Variants in KCNMA1 observed in about 807,000 individuals in gnomAD.
KCNMA1 encodes the protein potassium calcium-activated channel subfamily M alpha 1.
In KCNMA1, 29 loss-of-function variants were observed where a neutral mutation model predicts 140.0. That is an observed-to-expected ratio of 0.21 (90% CI 0.15 to 0.28). The LOEUF (loss-of-function observed/expected upper bound fraction) is 0.28. KCNMA1 is among the 10% of genes least tolerant of loss of function. KCNMA1 has a pLI of 1.00. For missense variants in KCNMA1, 880 were observed against 1,602.2 expected (o/e 0.55, Z 7.70); for synonymous variants, 612 against 611.9 (o/e 1.00, Z 0.00).
In KCNMA1 at chr10:76,887,179, A is replaced by G; in HGVS notation, c.*87T>C. ...AAAAAAAAGGGGGGGACTACAGGGG[A>G]AAACAGGGAAAGTTACTTTGTTGGA... On this transcript the variant is annotated 3_prime_UTR_variant, in exon 28 of 28. Coordinates refer to ENST00000286628, the MANE Select transcript of KCNMA1 (RefSeq NM_001161352.2). The G allele has an allele frequency of 6.2e-7, 1 of 1,612,674 alleles. No individual in the cohort carries two copies. Among genetic ancestry groups the G allele is most frequent in the South Asian group, 1.1e-5 (1 of 90,286 alleles).
intron 2 of KCNMA1, among the ~76,000 whole-genome samples, chr10:77,387,510 TAGTC>T (rs1288287829): frequency 6.6e-6 from 1 of 152,116 alleles, no homozygotes; most frequent in African/African-American, 2.4e-5. Flanking sequence ...CAGGCATCAT[TAGTC>T]AGTCATGGAA....
At chr10:77,117,539 CAAAAAAAAAAAAAAAA>C (rs56926398) in intron 6 of KCNMA1, among the ~76,000 whole-genome samples, 3 of 22,514 alleles carry the variant, frequency 1.3e-4, no homozygotes, top group African/African-American at 4.6e-4. Flanking sequence ...GAGTCTATCT[CAAAAAAAAAAAAAAAA>C]AAAAAAAAAA....
intron 1 of KCNMA1, among the ~76,000 whole-genome samples, chr10:77,618,838 C>T (rs979376522): frequency 6.6e-6 from 1 of 152,148 alleles, no homozygotes; most frequent in Non-Finnish European, 1.5e-5. Context: ...CTAGAAATCC[C>T]GTTGTTAATC....
At chr10:77,606,069 C>A (rs1181057157) in intron 1 of KCNMA1, among the ~76,000 whole-genome samples, 2 of 152,200 alleles carry the variant, frequency 1.3e-5, no homozygotes, top group Non-Finnish European at 2.9e-5. Flanking sequence ...GGCAGTGCTG[C>A]GGCCTAGACC....
At chr10:77,421,922 G>A (rs76251679) in intron 1 of KCNMA1, among the ~76,000 whole-genome samples, 4,425 of 152,242 alleles carry the variant, frequency 0.029, 91 homozygotes, top group African/African-American at 0.065. Flanking sequence ...GTAAATTCAC[G>A]GAACACCAGT....
chr10:77,125,851 C>A (rs934404027), intron 5 of KCNMA1, among the ~76,000 whole-genome samples: 2 of 152,180 alleles, frequency 1.3e-5, no homozygotes, highest in South Asian at 4.1e-4. Flanking sequence ...GTTAGATAAT[C>A]CACATTCAGA....
chr10:76,897,253 C>A (rs2042972170), intron 25 of KCNMA1, among the ~76,000 whole-genome samples: 1 of 149,846 alleles, frequency 6.7e-6, no homozygotes, highest in Non-Finnish European at 1.5e-5. Flanking sequence ...ATAAAAATAA[C>A]CTGTCCTGAG....
chr10:76,949,054 A>G, intron 22 of KCNMA1, 88 bp downstream of exon 22: 2 of 1,076,546 alleles, frequency 1.9e-6, no homozygotes, highest in Non-Finnish European at 2.9e-6. Context: ...CACAGGCATG[A>G]TCAAAGCTAC....
chr10:77,408,945 G>T (rs2096557711), intron 1 of KCNMA1, among the ~76,000 whole-genome samples: 1 of 152,182 alleles, frequency 6.6e-6, no homozygotes. Flanking sequence ...AGGTGGGGAG[G>T]AATTCAGGGC....
At chr10:77,082,301 A>G (rs1231665006) in intron 12 of KCNMA1, among the ~76,000 whole-genome samples, 1 of 152,054 alleles carries the variant, frequency 6.6e-6, no homozygotes, top group Non-Finnish European at 1.5e-5. Context: ...TTCTGGGATT[A>G]CAGGTGTAAG....
intron 7 of KCNMA1, among the ~76,000 whole-genome samples, chr10:77,111,554 G>C (rs962212613): frequency 1.3e-5 from 2 of 152,154 alleles, no homozygotes; most frequent in Non-Finnish European, 2.9e-5. Flanking sequence ...TTAAGGGCTG[G>C]GCAGGAGACT....
chr10:76,942,462 C>CT (rs935749555), intron 23 of KCNMA1, among the ~76,000 whole-genome samples: 2 of 152,272 alleles, frequency 1.3e-5, no homozygotes, highest in East Asian at 1.9e-4. Flanking sequence ...AAAGAGTGCC[C>CT]TTTTTTTCTT....
At chr10:77,161,438 T>C (rs2098553536) in intron 5 of KCNMA1, among the ~76,000 whole-genome samples, 1 of 151,538 alleles carries the variant, frequency 6.6e-6, no homozygotes, top group Non-Finnish European at 1.5e-5. Context: ...AGGGATGGGG[T>C]CTCACTATGT....
At position 77,499,406 on chromosome 10, in the gene KCNMA1, T is replaced by C. The variant is rs60120065; in HGVS notation, c.379-95383A>G. On this transcript the variant is annotated intron_variant, in intron 1 of 27. Coordinates refer to ENST00000286628, the MANE Select transcript of KCNMA1 (RefSeq NM_001161352.2). The stretch of plus-strand genomic sequence containing the variant: ...AGTCAAAATGCTCAGTAGGCATGTA[T>C]ATATATATATATATATACACACACA... 9.4e-3 allele frequency among the ~76,000 whole-genome samples: 563 copies of C among 60,166 alleles called. 2 individuals carry two copies. The highest frequency in any genetic ancestry group is 0.045 in the Middle Eastern group (5 of 110). The allele number at this position is 60,166 out of a possible 152,430, so 39.5% of individuals were successfully genotyped here. A position where few individuals can be genotyped will look rare whatever the true frequency, so the allele number is the denominator to read the frequency against.
At chr10:77,230,536 G>A (rs2053230356) in intron 3 of KCNMA1, among the ~76,000 whole-genome samples, 1 of 152,216 alleles carries the variant, frequency 6.6e-6, no homozygotes, top group African/African-American at 2.4e-5. Context: ...CTTTGTGGAT[G>A]AGGAAAATGA....
intron 3 of KCNMA1, among the ~76,000 whole-genome samples, chr10:77,228,870 C>T (rs902177579): frequency 6.6e-6 from 1 of 152,200 alleles, no homozygotes; most frequent in Admixed American, 6.5e-5. Context: ...GGGGAGGTAT[C>T]CTCAGCACTC....
intron 26 of KCNMA1, among the ~76,000 whole-genome samples, chr10:76,890,838 A>G (rs6480842): frequency 0.74 from 111,920 of 152,094 alleles, 41,579 homozygotes; most frequent in Middle Eastern, 0.82. Context: ...CAGGGAGGAC[A>G]TGAGGGAACG....
intron 1 of KCNMA1, among the ~76,000 whole-genome samples, chr10:77,583,953 T>C (rs1205975121): frequency 1.3e-5 from 2 of 152,212 alleles, no homozygotes; most frequent in Non-Finnish European, 2.9e-5. Flanking sequence ...TTTCTGTAAA[T>C]TGAAGTCTTA....
intron 2 of KCNMA1, chr10:77,354,631 A>T (rs371281546): frequency 1.3e-5 from 2 of 152,240 alleles, no homozygotes; most frequent in Non-Finnish European, 2.9e-5. Flanking sequence ...TAAGTATGCC[A>T]TCATGCCCAT....
Sources: gnomAD v4.1 joint callset for allele counts (sites outside exome capture counted in the v4.1 genomes callset) on GRCh38, gnomAD v4.1.1 for gene constraint, MANE v1.5 for transcripts, NCBI Gene and HGNC (gene_info 2026-07-23, HGNC 2026-07-21) for gene names.